SRPK2: variants seen among roughly 807,000 people sequenced by gnomAD.
SRPK2 encodes SFRS protein kinase 2.
SRPK2 carries 21 observed loss-of-function variants against 90.8 expected under a neutral mutation model. That is an observed-to-expected ratio of 0.23 (90% CI 0.16 to 0.33). The LOEUF (loss-of-function observed/expected upper bound fraction) is 0.33, where lower values mean the gene tolerates loss of function less well. Among genes scored for constraint, SRPK2 ranks in the 10% least tolerant of loss-of-function variants. The probability of loss-of-function intolerance (pLI) is 1.00; values close to 1 mark genes in which losing one functional copy is unlikely to be tolerated. For missense variants in SRPK2, 620 were observed against 869.0 expected, an observed-to-expected ratio of 0.71 and a Z score of 3.60; for synonymous variants, 288 against 311.1, an observed-to-expected ratio of 0.93 and a Z score of 0.78.
chr7:105,285,717 C>G lies in SRPK2; in HGVS notation c.72-81932G>C, dbSNP rs117624509. ...ACTCCCGCTCTCTCTTGCTCCAGCT[C>G]TTACCACGCAACCCATCTAACCACC... On this transcript the variant is annotated intron_variant, in intron 2 of 15. Coordinates refer to ENST00000393651, the MANE Select transcript of SRPK2 (RefSeq NM_182692.3). Among the ~76,000 whole-genome samples the G allele has an allele frequency of 5.1e-3, 780 of 152,274 alleles. 12 individuals carry two copies. The East Asian group carries it at 0.055, about 11-fold the overall frequency.
At chr7:105,352,647 C>T (rs766900900) in intron 2 of SRPK2, among the ~76,000 whole-genome samples, 1 of 152,260 alleles carries the variant, frequency 6.6e-6, no homozygotes, top group Admixed American at 6.5e-5. Flanking sequence ...CGCCAGTAAT[C>T]CCAGCACTTT....
chr7:105,288,763 T>C (rs553050210), intron 2 of SRPK2, among the ~76,000 whole-genome samples: 3 of 152,204 alleles, frequency 2.0e-5, no homozygotes, highest in East Asian at 3.9e-4. Flanking sequence ...TCCAAGTCTA[T>C]AAGTAGAGCC....
intron 2 of SRPK2, among the ~76,000 whole-genome samples, chr7:105,277,794 T>A (rs1408710548): frequency 6.6e-6 from 1 of 152,192 alleles, no homozygotes; most frequent in Admixed American, 6.5e-5. Context: ...CACTCTCTCA[T>A]TAATAATCAC....
chr7:105,306,572 C>G (rs1252666127), intron 2 of SRPK2: 1 of 425,454 alleles, frequency 2.4e-6, no homozygotes, highest in African/African-American at 2.1e-5. Flanking sequence ...TGTACTCCAC[C>G]TGAACAAAGA....
rs1318513720 is a variant in SRPK2 at position 105,388,834 on chromosome 7, G to A, written c.-28C>T. On this transcript the variant is annotated 5_prime_UTR_variant, in exon 1 of 16. Coordinates refer to ENST00000393651, the MANE Select transcript of SRPK2 (RefSeq NM_182692.3). The stretch of plus-strand genomic sequence containing the variant: ...CGACGCGGCGGAAGCGGGGCGGGGG[G>A]CTTCGCGACGGCGACGCGGGCGCCG... 3.9e-5 allele frequency: 52 copies of A among 1,335,756 alleles called. No homozygotes were observed. Among genetic ancestry groups the A allele is most frequent in the Non-Finnish European group, 4.9e-5 (51 of 1,049,068 alleles). The allele number at this position is 1,335,756 out of a possible 1,614,324, so 82.7% of individuals were successfully genotyped here. A position where few individuals can be genotyped will look rare whatever the true frequency, so the allele number is the denominator to read the frequency against.
chr7:105,119,617 CT>C (rs562951685), intron 15 of SRPK2, among the ~76,000 whole-genome samples: 21 of 152,120 alleles, frequency 1.4e-4, no homozygotes, highest in Non-Finnish European at 2.5e-4. Context: ...GACATCAGGT[CT>C]GTGTTGATGA....
intron 2 of SRPK2, among the ~76,000 whole-genome samples, chr7:105,380,248 C>T (rs951537319): frequency 1.1e-4 from 17 of 152,108 alleles, no homozygotes; most frequent in African/African-American, 4.1e-4. Flanking sequence ...TCTCCCACCT[C>T]GGACTCTGGA....
chr7:105,180,619 G>T (rs1179101526), intron 3 of SRPK2, among the ~76,000 whole-genome samples: 2 of 152,174 alleles, frequency 1.3e-5, no homozygotes, highest in African/African-American at 4.8e-5. Context: ...TTAGCCAGGT[G>T]TGGTGGCGCA....
chr7:105,344,838 CT>C (rs1563264580), intron 2 of SRPK2, among the ~76,000 whole-genome samples: 1 of 111,726 alleles, frequency 9.0e-6, no homozygotes, highest in East Asian at 2.0e-4. Flanking sequence ...CACACTCACA[CT>C]TAAAAAAAAA....
At chr7:105,377,415 G>C (rs1488399639) in intron 2 of SRPK2, among the ~76,000 whole-genome samples, 1 of 152,142 alleles carries the variant, frequency 6.6e-6, no homozygotes, top group Non-Finnish European at 1.5e-5. Context: ...TGGCCAGGCT[G>C]GGCGCGGTGG....
At chr7:105,339,022 T>C (rs963262461) in intron 2 of SRPK2, among the ~76,000 whole-genome samples, 2 of 152,218 alleles carry the variant, frequency 1.3e-5, no homozygotes, top group Non-Finnish European at 2.9e-5. Flanking sequence ...ATAATAGTTA[T>C]GACATTAACT....
At chr7:105,189,061 C>T (rs1297985381) in intron 3 of SRPK2, 1 of 152,746 alleles carries the variant, frequency 6.5e-6, no homozygotes, top group East Asian at 1.9e-4. Flanking sequence ...GACTCCAGCC[C>T]TTTCCTCAGC....
At chr7:105,354,744 A>C (rs1817597149) in intron 2 of SRPK2, among the ~76,000 whole-genome samples, 1 of 152,232 alleles carries the variant, frequency 6.6e-6, no homozygotes, top group African/African-American at 2.4e-5. Flanking sequence ...ACAGTCAGAT[A>C]TATAACTCAC....
At chr7:105,163,971 C>CA (rs1165052541) in intron 6 of SRPK2, among the ~76,000 whole-genome samples, 3 of 152,196 alleles carry the variant, frequency 2.0e-5, no homozygotes, top group African/African-American at 7.2e-5. Context: ...CCATTGTTCC[C>CA]AGATCAAGAC....
intron 11 of SRPK2, among the ~76,000 whole-genome samples, chr7:105,138,387 G>A (rs1803205769): frequency 6.6e-6 from 1 of 152,042 alleles, no homozygotes; most frequent in Non-Finnish European, 1.5e-5. Flanking sequence ...AGCCTGCTGG[G>A]GATACAGGAA....
At chr7:105,336,226 G>C (rs903881429) in intron 2 of SRPK2, among the ~76,000 whole-genome samples, 2 of 152,076 alleles carry the variant, frequency 1.3e-5, no homozygotes, top group Admixed American at 6.6e-5. Flanking sequence ...GAGAAAAAAA[G>C]TAATGTTCTT....
At chr7:105,116,151 A>C (rs1051763657), downstream of SRPK2, among the ~76,000 whole-genome samples, 1 of 152,186 alleles carries the variant, frequency 6.6e-6, no homozygotes, top group Non-Finnish European at 1.5e-5. Context: ...ATGGATGAAA[A>C]GGGATCATTG....
At chr7:105,130,558 C>CA (rs1313798936) in intron 13 of SRPK2, among the ~76,000 whole-genome samples, 1 of 151,872 alleles carries the variant, frequency 6.6e-6, no homozygotes, top group East Asian at 1.9e-4. Flanking sequence ...TCCAAACAAA[C>CA]AAACAAAACC....
At chr7:105,136,770 T>G (rs1476922519) in intron 11 of SRPK2, among the ~76,000 whole-genome samples, 2 of 152,168 alleles carry the variant, frequency 1.3e-5, no homozygotes, top group Non-Finnish European at 2.9e-5. Flanking sequence ...TGGAGGAGGT[T>G]CACTATGAGG....
Sources: allele counts gnomAD v4.1 joint callset (sites outside exome capture counted in the v4.1 genomes callset), GRCh38; gene constraint gnomAD v4.1.1; transcripts MANE v1.5; gene names NCBI Gene and HGNC (gene_info 2026-07-23, HGNC 2026-07-21).